Variants in ITPR1 observed in about 807,000 individuals in gnomAD.
The protein encoded by ITPR1 is inositol 1,4,5-trisphosphate receptor type 1, also known as inositol 1,4,5-trisphosphate-gated calcium channel ITPR1.
In ITPR1, 96 loss-of-function variants were observed where a neutral mutation model predicts 318.4. The ratio of observed to expected loss-of-function variants is 0.30; its 90% confidence interval spans 0.26 to 0.36. ITPR1 has a LOEUF of 0.36. Ranked by LOEUF, ITPR1 falls within the 10% of genes least tolerant of loss-of-function variation. The probability of loss-of-function intolerance (pLI) is 1.00; values close to 1 mark genes in which losing one functional copy is unlikely to be tolerated. For synonymous variants in ITPR1, 1,312 were observed against 1,289.9 expected, an observed-to-expected ratio of 1.02 and a Z score of -0.37; for missense variants, 2,440 against 3,460.2, an observed-to-expected ratio of 0.71 and a Z score of 7.40.
rs1193112999 is a variant in ITPR1, at chr3:4,516,556, C to T, written c.65C>T (p.Ser22Leu). 3 of 1,603,456 alleles carry T rather than the reference C, an allele frequency of 1.9e-6. No individual in the cohort carries two copies. The highest frequency in any genetic ancestry group is 2.6e-6 in the Non-Finnish European group (3 of 1,174,946). The stretch of plus-strand genomic sequence containing the variant: ...ATTTGTTCTCTGTACGCGGAGGGAT[C>T]GACAAATGGATTTATTAGCACCTTG... Reference protein sequence around the residue: ...GDICSLYAEGSTNGFISTLGL... With the variant: ...GDICSLYAEGLTNGFISTLGL... Residue 22 changes from serine to leucine, a missense_variant, in exon 3 of 62, where the codon TCG becomes TTG. Ser to Leu is a moderately radical substitution (Grantham distance 145). Around this residue, in one of 23 missense-constraint regions of ITPR1, gnomAD observed 186 missense variants for 323.9 expected, o/e 0.57. Coordinates refer to ENST00000649015, the MANE Select transcript of ITPR1 (RefSeq NM_001378452.1).
At chr3:4,523,638 T>G (rs573847344) in intron 4 of ITPR1, among the ~76,000 whole-genome samples, 1 of 152,318 alleles carries the variant, frequency 6.6e-6, no homozygotes, top group East Asian at 1.9e-4. Flanking sequence ...GAGTTCAATC[T>G]TTTTAGATTC....
intron 2 of ITPR1, among the ~76,000 whole-genome samples, chr3:4,500,543 A>C (rs1316137242): frequency 6.6e-6 from 1 of 152,172 alleles, no homozygotes; most frequent in Non-Finnish European, 1.5e-5. Context: ...CCAAGTAGGT[A>C]CTCTTGTCAT....
intron 44 of ITPR1, among the ~76,000 whole-genome samples, chr3:4,745,928 T>G (rs2044072986): frequency 6.6e-6 from 1 of 152,222 alleles, no homozygotes; most frequent in Admixed American, 6.5e-5. Flanking sequence ...CTTTTTCTCT[T>G]GCTTTTCTCC....
intron 52 of ITPR1, among the ~76,000 whole-genome samples, chr3:4,788,581 A>G (rs1037762951): frequency 6.6e-6 from 1 of 152,236 alleles, no homozygotes; most frequent in South Asian, 2.1e-4. Flanking sequence ...TGGATTTTAG[A>G]CTAAATCGTT....
At chr3:4,659,788 C>G (rs1339798616) in intron 13 of ITPR1, among the ~76,000 whole-genome samples, 1 of 151,746 alleles carries the variant, frequency 6.6e-6, no homozygotes, top group East Asian at 1.9e-4. Context: ...CATTATTGGA[C>G]TGTTCTGTTA....
chr3:4,818,097 A>C lies in ITPR1; in HGVS notation c.7883A>C (p.Lys2628Thr). 6.2e-7 allele frequency: 1 copy of C among 1,601,136 alleles called. No individual in the cohort carries two copies. ...TCATTTTTAGGCTTGGAAAGAGACAAGTTTGACAACAAGACTGTCACCTTT... is the reference window on the plus strand; with the variant it reads ...TCATTTTTAGGCTTGGAAAGAGACACGTTTGACAACAAGACTGTCACCTTT... The part of the protein sequence containing the change: ...TCFICGLERD[K>T]FDNKTVTFEE... The change falls in exon 60 of 62, where the codon AAG (lysine) becomes ACG (threonine). Residue 2628 changes from lysine to threonine, a missense_variant. Transcript: ENST00000649015.
intron 4 of ITPR1, among the ~76,000 whole-genome samples, chr3:4,525,450 T>C (rs1247755922): frequency 6.6e-6 from 1 of 152,208 alleles, no homozygotes; most frequent in African/African-American, 2.4e-5. Context: ...GAATTGCTTT[T>C]TTTGTGTGTG....
chr3:4,827,022 C>T (rs2050122097), intron 60 of ITPR1, among the ~76,000 whole-genome samples: 1 of 152,208 alleles, frequency 6.6e-6, no homozygotes, highest in South Asian at 2.1e-4. Flanking sequence ...TGCATGAAAC[C>T]ACTTCTCCCC....
intron 4 of ITPR1, among the ~76,000 whole-genome samples, chr3:4,594,589 G>A (rs2090649186): frequency 6.6e-6 from 1 of 152,136 alleles, no homozygotes; most frequent in Admixed American, 6.5e-5. Flanking sequence ...AGATGGCTAC[G>A]CTAGCTTCAG....
chr3:4,811,641 T>C (rs151053057), intron 56 of ITPR1, among the ~76,000 whole-genome samples, 181 bp downstream of exon 56: 48 of 152,368 alleles, frequency 3.2e-4, no homozygotes, highest in African/African-American at 1.1e-3. Flanking sequence ...ATGTGGCATA[T>C]CAAATGCTAA....
chr3:4,717,095 C>T (rs1178567292), intron 39 of ITPR1, among the ~76,000 whole-genome samples: 1 of 152,230 alleles, frequency 6.6e-6, no homozygotes, highest in Non-Finnish European at 1.5e-5. Flanking sequence ...AGCAAGCACA[C>T]GGCTGTCTGC....
intron 4 of ITPR1, among the ~76,000 whole-genome samples, chr3:4,613,700 T>C (rs1381732129): frequency 6.6e-6 from 1 of 152,198 alleles, no homozygotes; most frequent in African/African-American, 2.4e-5. Context: ...GTTATCTTTT[T>C]ACATGAAGGG....
At chr3:4,790,745 G>A (rs779689987) in intron 52 of ITPR1, among the ~76,000 whole-genome samples, 4 of 152,186 alleles carry the variant, frequency 2.6e-5, no homozygotes, top group South Asian at 2.1e-4. Context: ...ACTCAGACAC[G>A]TAGTGAGATC....
chr3:4,702,001 A>G (rs2094663637), intron 35 of ITPR1, among the ~76,000 whole-genome samples: 1 of 152,090 alleles, frequency 6.6e-6, no homozygotes. Context: ...GGGGCTATGC[A>G]AGTTGTCCCC....
intron 40 of ITPR1, among the ~76,000 whole-genome samples, chr3:4,721,659 C>G (rs547763253): frequency 7.2e-5 from 11 of 152,254 alleles, no homozygotes; most frequent in African/African-American, 2.2e-4. Context: ...ATAACTAGAT[C>G]TACGGTACAG....
In ITPR1 at chr3:4,680,547, CTTTAG is replaced by C; in HGVS notation, c.2968-1_2971del. The C allele has an allele frequency of 6.2e-7, 1 of 1,612,526 alleles. No individual in the cohort carries two copies. Among genetic ancestry groups the C allele is most frequent in the Non-Finnish European group, 8.5e-7 (1 of 1,178,766 alleles). On this transcript the variant is annotated splice_acceptor_variant and splice_polypyrimidine_tract_variant and intron_variant, in intron 24 of 61. Coordinates refer to ENST00000649015, the MANE Select transcript of ITPR1 (RefSeq NM_001378452.1). LOFTEE classifies it high-confidence loss of function. ...AATCTGTTTCCATTTCCACTTGAAT[CTTTAG>C]TTTATTTTGAATGTGAGGTTGGATT...
chr3:4,732,492 T>C (rs71313892), intron 42 of ITPR1, among the ~76,000 whole-genome samples: 1 of 146,988 alleles, frequency 6.8e-6, no homozygotes, highest in Non-Finnish European at 1.5e-5. Context: ...TTGGGTTTTT[T>C]TTTATATATT....
At chr3:4,530,699 T>C (rs1477430478) in intron 4 of ITPR1, among the ~76,000 whole-genome samples, 1 of 152,132 alleles carries the variant, frequency 6.6e-6, no homozygotes, top group African/African-American at 2.4e-5. Flanking sequence ...GAGGGTTGCT[T>C]GAGCCCAGTA....
At chr3:4,681,994 T>C (rs1372584916) in intron 26 of ITPR1, among the ~76,000 whole-genome samples, 1 of 152,236 alleles carries the variant, frequency 6.6e-6, no homozygotes, top group Non-Finnish European at 1.5e-5. Flanking sequence ...GTATAAAATT[T>C]GGTATAAACA....
Sources: gnomAD v4.1 joint callset for allele counts (sites outside exome capture counted in the v4.1 genomes callset) on GRCh38, gnomAD v4.1.1 for gene constraint, gnomAD v4.1.1 regional missense constraint, MANE v1.5 for transcripts, NCBI Gene and HGNC (gene_info 2026-07-23, HGNC 2026-07-21) for gene names.